The following SNX10 variants were observed in gnomAD, a reference collection of about 807,000 sequenced individuals.
SNX10 encodes sorting nexin 10.
In SNX10, 25 loss-of-function variants were observed where a neutral mutation model predicts 28.5. The ratio of observed to expected loss-of-function variants is 0.88; its 90% confidence interval spans 0.64 to 1.22. The LOEUF (loss-of-function observed/expected upper bound fraction) is 1.22, where lower values mean the gene tolerates loss of function less well. Among genes scored for constraint, SNX10 ranks in the 50% most tolerant of loss-of-function variants. SNX10 has a pLI of 0.00. For missense variants in SNX10, 223 were observed against 242.6 expected (o/e 0.92, Z 0.54); for synonymous variants, 62 against 81.4 (o/e 0.76, Z 1.28).
chr7:26,309,019 T>C (rs1471598854), intron 1 of SNX10, among the ~76,000 whole-genome samples: 1 of 152,192 alleles, frequency 6.6e-6, no homozygotes, highest in Non-Finnish European at 1.5e-5. Context: ...AAAAATGCTT[T>C]GAGTTTGAGT....
chr7:26,327,140 G>A (rs1053497613), intron 1 of SNX10, among the ~76,000 whole-genome samples: 9 of 151,966 alleles, frequency 5.9e-5, no homozygotes, highest in Non-Finnish European at 1.3e-4. Context: ...TAGTAGAGAT[G>A]GGGTTTTGCC....
intron 5 of SNX10, among the ~76,000 whole-genome samples, chr7:26,368,729 G>A (rs926977232): frequency 6.6e-6 from 1 of 152,084 alleles, no homozygotes; most frequent in Non-Finnish European, 1.5e-5. Flanking sequence ...ATGTCTTTGT[G>A]TTCAATAGAG....
Position 26,364,217 on chromosome 7 carries a change from T to G in SNX10, c.112-318T>G. The G allele has an allele frequency of 1.9e-6, 1 of 540,108 alleles. No homozygotes were observed. The highest frequency in any genetic ancestry group is 2.4e-6 in the Non-Finnish European group (1 of 413,782). The allele number at this position is 540,108 out of a possible 1,614,324, so 33.5% of individuals were successfully genotyped here. A position where few individuals can be genotyped will look rare whatever the true frequency, so the allele number is the denominator to read the frequency against. On this transcript the variant is annotated intron_variant, in intron 3 of 6. Coordinates refer to ENST00000338523, the MANE Select transcript of SNX10 (RefSeq NM_013322.3). This position sits in a 1 kb window ranked among gnomAD's most constrained non-coding sequence, Gnocchi z 4.9. Reference sequence around the variant, plus strand: ...TGAGCTCCTACCTGTCATTTATATGTTAGGATTTATTTTTTATGATTTATT... The same window carrying G: ...TGAGCTCCTACCTGTCATTTATATGGTAGGATTTATTTTTTATGATTTATT...
At chr7:26,335,735 CTTTTTTTTTTTT>C (rs57340085) in intron 1 of SNX10, among the ~76,000 whole-genome samples, 2,549 of 84,320 alleles carry the variant, frequency 0.03, 73 homozygotes, top group African/African-American at 0.065. Flanking sequence ...ATGGAATATT[CTTTTTTTTTTTT>C]TTTTTTTTTT....
Position 26,372,751 on chromosome 7 carries a change from C to G in SNX10, c.*179C>G. 1 of 530,400 alleles carries G rather than the reference C, an allele frequency of 1.9e-6. No individual in the cohort carries two copies. Among genetic ancestry groups the G allele is most frequent in the Non-Finnish European group, 3.4e-6 (1 of 297,918 alleles). The allele number at this position is 530,400 out of a possible 1,614,324, so 32.9% of individuals were successfully genotyped here. On this transcript the variant is annotated 3_prime_UTR_variant, in exon 7 of 7. Coordinates refer to ENST00000338523, the MANE Select transcript of SNX10 (RefSeq NM_013322.3). ...TTTATGTTGTCTTATTTTAGGTAAG[C>G]TTCTGTGTAAAGCTAAAAATCCTGT... is the stretch of plus-strand genomic sequence containing the variant.
At chr7:26,312,615 C>T (rs2127997889) in intron 1 of SNX10, among the ~76,000 whole-genome samples, 1 of 152,276 alleles carries the variant, frequency 6.6e-6, no homozygotes, top group African/African-American at 2.4e-5. Flanking sequence ...GAAACCCCGT[C>T]TCTACTAAAA....
At chr7:26,302,629 C>T (rs1177885532) in intron 1 of SNX10, among the ~76,000 whole-genome samples, 3 of 152,204 alleles carry the variant, frequency 2.0e-5, no homozygotes, top group African/African-American at 4.8e-5. Flanking sequence ...TTTTCACCAG[C>T]GTGGCTGCTT....
chr7:26,334,343 A>G (rs1392180209), intron 1 of SNX10, among the ~76,000 whole-genome samples: 1 of 152,202 alleles, frequency 6.6e-6, no homozygotes, highest in Non-Finnish European at 1.5e-5. Flanking sequence ...CGAGTTAGGA[A>G]GCACCTGTGC....
In SNX10 at chr7:26,338,071, C is replaced by A. The variant is rs866896383; in HGVS notation, c.-23-8349C>A. On this transcript the variant is annotated intron_variant, in intron 1 of 6. Coordinates refer to ENST00000338523, the MANE Select transcript of SNX10 (RefSeq NM_013322.3). ...TTTTCATATGTTTATTGGCCCTTTG[C>A]ACGTCATCTTTGGAGAAACGTCTAT... Among the ~76,000 whole-genome samples, 15 of 149,982 alleles carry A rather than the reference C, an allele frequency of 1.0e-4. No individual in the cohort carries two copies. The South Asian group carries it at 3.2e-3, about 32-fold the overall frequency.
intron 1 of SNX10, among the ~76,000 whole-genome samples, chr7:26,321,692 C>G (rs1787315657): frequency 6.6e-6 from 1 of 152,160 alleles, no homozygotes; most frequent in African/African-American, 2.4e-5. Context: ...TGAGTGAACC[C>G]TGCTGACTGC....
Position 26,322,578 on chromosome 7 carries a change from AT to A in SNX10, c.-23-23837del, listed in dbSNP as rs60760395. 4.1e-3 allele frequency among the ~76,000 whole-genome samples: 616 copies of A among 151,828 alleles called. 7 individuals are homozygous for A. The highest frequency in any genetic ancestry group is 0.015 in the African/African-American group (598 of 41,160). Reference sequence around the variant, plus strand: ...GACTGCCAGAGATTTTTTTCTTTATATTTTTACAAAGCCAAAATTTAATTCC... The same window carrying A: ...GACTGCCAGAGATTTTTTTCTTTATATTTTACAAAGCCAAAATTTAATTCC... On this transcript the variant is annotated intron_variant, in intron 1 of 6. Transcript: ENST00000338523.
intron 1 of SNX10, among the ~76,000 whole-genome samples, chr7:26,303,716 G>C (rs141332058): frequency 6.6e-6 from 1 of 152,222 alleles, no homozygotes; most frequent in East Asian, 1.9e-4. Context: ...GGAATTATCT[G>C]CAAAACTTGT....
At chr7:26,339,060 G>C (rs1788067306) in intron 1 of SNX10, among the ~76,000 whole-genome samples, 2 of 152,178 alleles carry the variant, frequency 1.3e-5, no homozygotes, top group Non-Finnish European at 2.9e-5. Context: ...GTTCTGCAAA[G>C]GCAGACTGGA....
At chr7:26,321,250 A>C (rs1485572621) in intron 1 of SNX10, among the ~76,000 whole-genome samples, 1 of 151,476 alleles carries the variant, frequency 6.6e-6, no homozygotes, top group Admixed American at 6.6e-5. Flanking sequence ...TGGGGATGAC[A>C]ATTTCTGCCT....
At chr7:26,335,924 T>C (rs1191694549) in intron 1 of SNX10, among the ~76,000 whole-genome samples, 1 of 151,268 alleles carries the variant, frequency 6.6e-6, no homozygotes, top group African/African-American at 2.4e-5. Context: ...TTTGTATTTT[T>C]AGTAGAGACG....
At position 26,307,829 on chromosome 7, in the gene SNX10, C is replaced by T. The variant is rs34611800; in HGVS notation, c.-24+15743C>T. 7.2e-3 allele frequency among the ~76,000 whole-genome samples: 1,093 copies of T among 152,196 alleles called. 8 individuals carry two copies. The highest frequency in any genetic ancestry group is 0.012 in the Non-Finnish European group (796 of 68,010). On this transcript the variant is annotated intron_variant, in intron 1 of 6. Coordinates refer to ENST00000338523, the MANE Select transcript of SNX10 (RefSeq NM_013322.3). ...GGTACATTGGTAACAGTTGATGAAC[C>T]TGCACTGATACATTATCATCACCCA... is the stretch of plus-strand genomic sequence containing the variant.
At position 26,364,233 on chromosome 7, in the gene SNX10, A is replaced by T. The variant is rs1789201910; in HGVS notation, c.112-302A>T. 1 of 661,190 alleles carries T rather than the reference A, an allele frequency of 1.5e-6. No homozygotes were observed. The highest frequency in any genetic ancestry group is 8.4e-5 in the East Asian group (1 of 11,936). The allele number at this position is 661,190 out of a possible 1,614,324, so 41.0% of individuals were successfully genotyped here. A position where few individuals can be genotyped will look rare whatever the true frequency, so the allele number is the denominator to read the frequency against. The stretch of plus-strand genomic sequence containing the variant: ...ATTTATATGTTAGGATTTATTTTTT[A>T]TGATTTATTCTTGAAAGCAGTGCTC... On this transcript the variant is annotated intron_variant, in intron 3 of 6. Coordinates refer to ENST00000338523, the MANE Select transcript of SNX10 (RefSeq NM_013322.3). This position sits in a 1 kb window ranked among gnomAD's most constrained non-coding sequence, Gnocchi z 4.9.
At chr7:26,348,660 C>T (rs1455627404) in intron 2 of SNX10, among the ~76,000 whole-genome samples, 2 of 152,194 alleles carry the variant, frequency 1.3e-5, no homozygotes, top group Non-Finnish European at 1.5e-5. Context: ...ATCCATTGCC[C>T]TTAGAACAAA....
chr7:26,316,861 G>GTGTA (rs1787114288), intron 1 of SNX10, among the ~76,000 whole-genome samples: 1 of 152,186 alleles, frequency 6.6e-6, no homozygotes, highest in Non-Finnish European at 1.5e-5. Context: ...CTGTGCGAAT[G>GTGTA]TGTATGGAAA....
Sources: gnomAD v4.1 joint callset for allele counts (sites outside exome capture counted in the v4.1 genomes callset) on GRCh38, gnomAD v4.1.1 for gene constraint, Gnocchi (gnomAD v3.1) non-coding constraint, MANE v1.5 for transcripts, NCBI Gene and HGNC (gene_info 2026-07-23, HGNC 2026-07-21) for gene names.